Variants in METTL24 observed in about 807,000 individuals in gnomAD.
METTL24 encodes the protein methyltransferase like 24, also known as probable methyltransferase-like protein 24.
In METTL24, 29 loss-of-function variants were observed where a neutral mutation model predicts 32.7. The ratio of observed to expected loss-of-function variants is 0.89; its 90% CI spans 0.66 to 1.21. The LOEUF (loss-of-function observed/expected upper bound fraction) is 1.21, where lower values mean the gene tolerates loss of function less well. Ranked by LOEUF, METTL24 falls within the 50% of genes most tolerant of loss-of-function variation. The probability of loss-of-function intolerance (pLI) is 0.00; values close to 1 mark genes in which losing one functional copy is unlikely to be tolerated. For synonymous variants in METTL24, 163 were observed against 179.5 expected (o/e 0.91, Z 0.73); for missense variants, 439 against 468.1 (o/e 0.94, Z 0.57).
At chr6:110,275,846 T>C (rs960674366) in intron 4 of METTL24, among the ~76,000 whole-genome samples, 3 of 152,224 alleles carry the variant, frequency 2.0e-5, no homozygotes, top group African/African-American at 7.2e-5. Flanking sequence ...AATGTATGGT[T>C]CACCTGCATG....
At chr6:110,343,988 T>C (rs1426900819) in intron 1 of METTL24, among the ~76,000 whole-genome samples, 1 of 152,186 alleles carries the variant, frequency 6.6e-6, no homozygotes, top group Non-Finnish European at 1.5e-5. Context: ...GAAAAGGTAC[T>C]GAACTTATAG....
At chr6:110,327,320 T>A (rs13196992) in intron 1 of METTL24, among the ~76,000 whole-genome samples, 3,498 of 152,326 alleles carry the variant, frequency 0.023, 60 homozygotes, top group Non-Finnish European at 0.038. Context: ...AGATCAATAA[T>A]TTAGAATCCA....
At chr6:110,324,006 A>T (rs1006945424) in intron 1 of METTL24, among the ~76,000 whole-genome samples, 109 of 152,274 alleles carry the variant, frequency 7.2e-4, no homozygotes, top group African/African-American at 2.2e-3. Flanking sequence ...TAGACAGGCC[A>T]GCCGTGAGAT....
At chr6:110,307,497 A>G (rs1487569883) in intron 3 of METTL24, among the ~76,000 whole-genome samples, 1 of 152,220 alleles carries the variant, frequency 6.6e-6, no homozygotes, top group Non-Finnish European at 1.5e-5. Context: ...TTAGACAACT[A>G]GTCCATTTTT....
intron 1 of METTL24, among the ~76,000 whole-genome samples, chr6:110,330,151 C>A (rs117414838): frequency 2.6e-3 from 390 of 152,346 alleles, no homozygotes; most frequent in Non-Finnish European, 4.6e-3. Context: ...TAGAGGAAAT[C>A]CTCACTTTTC....
At chr6:110,301,294 C>T (rs1771512760) in intron 3 of METTL24, among the ~76,000 whole-genome samples, 1 of 152,192 alleles carries the variant, frequency 6.6e-6, no homozygotes, top group African/African-American at 2.4e-5. Flanking sequence ...GAAGTCTCTA[C>T]CCCAGTTTTC....
chr6:110,319,206 A>G (rs541382787), intron 2 of METTL24, among the ~76,000 whole-genome samples: 1 of 152,184 alleles, frequency 6.6e-6, no homozygotes, highest in African/African-American at 2.4e-5. Context: ...TTTATACAGT[A>G]CCACTATTTT....
chr6:110,277,348 G>A (rs182710519), intron 4 of METTL24, among the ~76,000 whole-genome samples: 1 of 152,180 alleles, frequency 6.6e-6, no homozygotes, highest in Non-Finnish European at 1.5e-5. Flanking sequence ...ATTGGAAAGA[G>A]CTCAGACTTC....
intron 3 of METTL24, among the ~76,000 whole-genome samples, chr6:110,315,049 A>T (rs965391460): frequency 1.3e-5 from 2 of 151,432 alleles, no homozygotes; most frequent in African/African-American, 4.9e-5. Flanking sequence ...GGATGCTCTT[A>T]GTCTAGCTGG....
intron 1 of METTL24, among the ~76,000 whole-genome samples, chr6:110,338,155 T>C (rs570024321): frequency 1.3e-5 from 2 of 152,312 alleles, no homozygotes; most frequent in East Asian, 3.9e-4. Context: ...TACCTTAATC[T>C]AGCTAAATAT....
Position 110,325,521 on chromosome 6 carries a change from G to C in METTL24, c.319-2649C>G, listed in dbSNP as rs58427453. 4.3e-3 allele frequency among the ~76,000 whole-genome samples: 629 copies of C among 146,090 alleles called. 4 individuals are homozygous for C. Among genetic ancestry groups the C allele is most frequent in the African/African-American group, 0.014 (555 of 41,062 alleles). ...ATTCAGAGGTAGGCTGGCCTAAAAG[G>C]GGGGGTTGACTGAAATAATGCAAGG... On this transcript the variant is annotated intron_variant, in intron 1 of 4. Transcript: ENST00000338882.
rs149579136 is a variant in METTL24, at chr6:110,302,647, G to GTA, written c.558-3499_558-3498dup. Among the ~76,000 whole-genome samples the GTA allele has an allele frequency of 1.3e-4, 12 of 92,228 alleles. 1 individual carries two copies. In the East Asian group the frequency reaches 1.4e-3, roughly 11 times the overall value. The allele number at this position is 92,228 out of a possible 152,430, so 60.5% of individuals were successfully genotyped here. On this transcript the variant is annotated intron_variant, in intron 3 of 4. Coordinates refer to ENST00000338882, the MANE Select transcript of METTL24 (RefSeq NM_001123364.3). ...TATACACATATACACACACATATGT[G>GTA]TATATATATACACATATACACACAC...
intron 1 of METTL24, among the ~76,000 whole-genome samples, chr6:110,355,962 C>G (rs954945331): frequency 4.6e-5 from 7 of 152,178 alleles, no homozygotes; most frequent in African/African-American, 1.7e-4. Flanking sequence ...GTAGGACAGG[C>G]TCCAGCCATC....
At chr6:110,321,064 C>G (rs1771922176) in intron 2 of METTL24, among the ~76,000 whole-genome samples, 1 of 152,074 alleles carries the variant, frequency 6.6e-6, no homozygotes, top group Non-Finnish European at 1.5e-5. Context: ...TGGCAAAACC[C>G]TATCTCTACT....
At chr6:110,296,189 C>T (rs1276678241) in intron 4 of METTL24, among the ~76,000 whole-genome samples, 1 of 152,180 alleles carries the variant, frequency 6.6e-6, no homozygotes, top group African/African-American at 2.4e-5. Flanking sequence ...TATAATTCCT[C>T]ATTAACTAGC....
At chr6:110,260,982 G>A (rs1001115341) in intron 4 of METTL24, among the ~76,000 whole-genome samples, 141 of 152,288 alleles carry the variant, frequency 9.3e-4, no homozygotes, top group African/African-American at 3.3e-3. Flanking sequence ...AACATGGAAA[G>A]GAACAACCAG....
chr6:110,297,198 T>C (rs1771436182), intron 4 of METTL24, among the ~76,000 whole-genome samples: 1 of 152,240 alleles, frequency 6.6e-6, no homozygotes, highest in African/African-American at 2.4e-5. Context: ...TGTAAATATT[T>C]CTGCTATCTC....
At chr6:110,332,508 C>T (rs1299073451) in intron 1 of METTL24, 1 of 982,770 alleles carries the variant, frequency 1.0e-6, no homozygotes, top group African/African-American at 1.8e-5. Flanking sequence ...ACAGTGTCTG[C>T]ATACGTAGTA....
chr6:110,350,401 CCTAA>C (rs1363884561), intron 1 of METTL24, among the ~76,000 whole-genome samples: 2 of 152,204 alleles, frequency 1.3e-5, no homozygotes, highest in East Asian at 1.9e-4. Context: ...CCCAGAGAGT[CCTAA>C]CTGATACAGA....
Sources: gnomAD v4.1 joint callset for allele counts (sites outside exome capture counted in the v4.1 genomes callset) on GRCh38, gnomAD v4.1.1 for gene constraint, MANE v1.5 for transcripts, NCBI Gene and HGNC (gene_info 2026-07-23, HGNC 2026-07-21) for gene names.